Variants in SUPT3H observed in about 807,000 individuals in gnomAD.
SUPT3H encodes transcription initiation protein SPT3 homolog.
In SUPT3H, 44 loss-of-function variants were observed where a neutral mutation model predicts 44.3. The ratio of observed to expected loss-of-function variants is 0.99; its 90% CI spans 0.78 to 1.28. The LOEUF is 1.28. Among genes scored for constraint, SUPT3H ranks in the 50% most tolerant of loss-of-function variants. The pLI is 0.00. For synonymous variants in SUPT3H, 124 were observed against 125.6 expected, an observed-to-expected ratio of 0.99 and a Z score of 0.09; for missense variants, 380 against 387.1, an observed-to-expected ratio of 0.98 and a Z score of 0.15.
At chr6:44,989,353 T>C (rs2153495881) in intron 6 of SUPT3H, among the ~76,000 whole-genome samples, 1 of 152,274 alleles carries the variant, frequency 6.6e-6, no homozygotes, top group East Asian at 1.9e-4. Context: ...TTATTATATA[T>C]GTGTGTATAT....
chr6:45,095,289 T>C lies in SUPT3H; in HGVS notation c.186+10633A>G, dbSNP rs1797646767. Among the ~76,000 whole-genome samples, 1 of 152,116 alleles carries C rather than the reference T, an allele frequency of 6.6e-6. No homozygotes were observed. The highest frequency in any genetic ancestry group is 1.5e-5 in the Non-Finnish European group (1 of 68,010). On this transcript the variant is annotated intron_variant, in intron 3 of 10. Transcript: ENST00000371459. The surrounding 1 kb of genome is among the most constrained non-coding windows in gnomAD (Gnocchi z 4.1). The stretch of plus-strand genomic sequence containing the variant: ...TAACCCTTATAATTGAAATTCTACA[T>C]AGGAAACTTTATTACTATTTTAAAA...
chr6:45,364,979 A>C (rs771046861), intron 2 of SUPT3H, among the ~76,000 whole-genome samples: 1 of 152,194 alleles, frequency 6.6e-6, no homozygotes, highest in Non-Finnish European at 1.5e-5. Context: ...ATTTATAAAG[A>C]TGAACTAATA....
In SUPT3H at chr6:45,020,584, T is replaced by C. The variant is rs762648192; in HGVS notation, c.235A>G (p.Thr79Ala). The C allele has an allele frequency of 1.2e-6, 2 of 1,611,678 alleles. No individual in the cohort carries two copies. Among genetic ancestry groups the C allele is most frequent in the African/African-American group, 1.3e-5 (1 of 74,906 alleles). ...VSQLRGARVITPEDLLFLMRK... is the reference protein window; with the variant it reads ...VSQLRGARVIAPEDLLFLMRK... The stretch of plus-strand genomic sequence containing the variant: ...ATCAAAAACAGAAGATCTTCAGGAG[T>C]GATTACCCTTGCTCCCCGCAGCTGA... The change falls in exon 4 of 11, where the codon ACT becomes GCT. Residue 79 changes from threonine (T) to alanine (A), a missense_variant. Thr to Ala is a moderately conservative substitution (Grantham distance 58). Transcript: ENST00000371459.
chr6:44,836,651 C>T (rs982616753), intron 10 of SUPT3H, among the ~76,000 whole-genome samples: 1 of 152,150 alleles, frequency 6.6e-6, no homozygotes, highest in South Asian at 2.1e-4. Context: ...ATACAAAAAT[C>T]TCTAGATTAA....
intron 2 of SUPT3H, among the ~76,000 whole-genome samples, chr6:45,312,913 A>C (rs1373419480): frequency 5.9e-5 from 9 of 152,216 alleles, no homozygotes; most frequent in Non-Finnish European, 1.3e-4. Context: ...AATAAATTTA[A>C]GAAAATTGAA....
intron 2 of SUPT3H, among the ~76,000 whole-genome samples, chr6:45,208,056 A>G (rs1222391056): frequency 3.3e-5 from 5 of 152,220 alleles, no homozygotes; most frequent in Admixed American, 2.6e-4. Context: ...GTTGTGCATG[A>G]AAAGGGAAAG....
At chr6:45,184,773 A>AG (rs1813878259) in intron 2 of SUPT3H, among the ~76,000 whole-genome samples, 1 of 102,462 alleles carries the variant, frequency 9.8e-6, no homozygotes, top group African/African-American at 3.3e-5. Context: ...CAACAGGCAG[A>AG]GGAAAAAAAA....
chr6:44,928,889 A>AT (rs1299982421), intron 10 of SUPT3H, among the ~76,000 whole-genome samples: 12 of 131,482 alleles, frequency 9.1e-5, no homozygotes, highest in African/African-American at 3.5e-4. Context: ...TCTCAAAAAA[A>AT]AAAAAAAAAA....
intron 4 of SUPT3H, among the ~76,000 whole-genome samples, chr6:45,019,072 T>C (rs1784730350): frequency 6.6e-6 from 1 of 152,206 alleles, no homozygotes; most frequent in South Asian, 2.1e-4. Context: ...TGGTTTAGTC[T>C]TGGGAGAGTG....
chr6:45,224,894 T>C (rs1766676669), intron 2 of SUPT3H, among the ~76,000 whole-genome samples: 1 of 152,134 alleles, frequency 6.6e-6, no homozygotes, highest in Non-Finnish European at 1.5e-5. Context: ...ATTGCCACTA[T>C]AATAAATTTT....
At chr6:44,957,005 G>A (rs931497147) in intron 7 of SUPT3H, among the ~76,000 whole-genome samples, 21 of 152,106 alleles carry the variant, frequency 1.4e-4, no homozygotes, top group African/African-American at 4.8e-4. Context: ...TCTCTACACT[G>A]CCACAGTGCT....
chr6:45,066,326 C>T (rs1292159097), intron 3 of SUPT3H, among the ~76,000 whole-genome samples: 1 of 148,808 alleles, frequency 6.7e-6, no homozygotes, highest in African/African-American at 2.5e-5. Flanking sequence ...ATAATAAGAG[C>T]TATCTATGAC....
chr6:45,273,845 C>T (rs952420564), intron 2 of SUPT3H, among the ~76,000 whole-genome samples: 12 of 152,092 alleles, frequency 7.9e-5, no homozygotes, highest in Admixed American at 6.6e-4. Flanking sequence ...TGAATCTGCT[C>T]GATCACGTGG....
intron 10 of SUPT3H, among the ~76,000 whole-genome samples, chr6:44,882,576 C>A (rs1410207758): frequency 6.6e-6 from 1 of 152,074 alleles, no homozygotes; most frequent in Admixed American, 6.5e-5. Context: ...GGAAGAGACA[C>A]AACAAATAAA....
intron 2 of SUPT3H, among the ~76,000 whole-genome samples, chr6:45,148,447 A>G (rs1806435664): frequency 6.6e-6 from 1 of 152,174 alleles, no homozygotes; most frequent in South Asian, 2.1e-4. Flanking sequence ...CAATTTGAGC[A>G]TAACTCAGAT....
chr6:44,916,497 G>A (rs1360890067), intron 10 of SUPT3H, among the ~76,000 whole-genome samples: 1 of 152,148 alleles, frequency 6.6e-6, no homozygotes, highest in Non-Finnish European at 1.5e-5. Flanking sequence ...TGCAGGGCAG[G>A]AAAGGAGTCC....
At chr6:44,954,063 A>G (rs1018641553) in intron 8 of SUPT3H, among the ~76,000 whole-genome samples, 2 of 152,152 alleles carry the variant, frequency 1.3e-5, no homozygotes, top group East Asian at 3.9e-4. Flanking sequence ...AACAAGAACC[A>G]AGGAGATGCT....
intron 2 of SUPT3H, among the ~76,000 whole-genome samples, chr6:45,352,712 AAAT>A (rs1344627016): frequency 6.6e-6 from 1 of 152,092 alleles, no homozygotes; most frequent in Non-Finnish European, 1.5e-5. Context: ...TCTACTGTAG[AAAT>A]AATTTCTTTA....
chr6:44,943,798 A>G (rs774732923), intron 9 of SUPT3H, among the ~76,000 whole-genome samples: 10 of 151,930 alleles, frequency 6.6e-5, no homozygotes, highest in Non-Finnish European at 1.2e-4. Context: ...AACATCATCC[A>G]ACAATGAAGA....
Sources: allele counts gnomAD v4.1 joint callset (sites outside exome capture counted in the v4.1 genomes callset), GRCh38; gene constraint gnomAD v4.1.1; non-coding constraint Gnocchi (gnomAD v3.1); transcripts MANE v1.5; gene names NCBI Gene and HGNC (gene_info 2026-07-23, HGNC 2026-07-21).